Variants in GALNTL6 observed in about 807,000 individuals in gnomAD.
GALNTL6 encodes the protein polypeptide N-acetylgalactosaminyltransferase like 6.
In GALNTL6, 46 loss-of-function variants were observed where a neutral mutation model predicts 73.7. The ratio of observed to expected loss-of-function variants is 0.62; its 90% CI spans 0.49 to 0.80. GALNTL6 has a LOEUF of 0.80. Ranked by LOEUF, GALNTL6 falls within the 30% of genes least tolerant of loss-of-function variation. GALNTL6 has a pLI of 0.00. For missense variants in GALNTL6, 604 were observed against 755.0 expected (o/e 0.80, Z 2.34); for synonymous variants, 259 against 263.7 (o/e 0.98, Z 0.17).
intron 5 of GALNTL6, among the ~76,000 whole-genome samples, chr4:172,532,524 C>T (rs1231045557): frequency 1.3e-5 from 2 of 152,192 alleles, no homozygotes; most frequent in African/African-American, 4.8e-5. Context: ...TTTGTTACTG[C>T]AGCCACAGGA....
chr4:172,681,321 TA>T (rs572807473), intron 5 of GALNTL6, among the ~76,000 whole-genome samples: 331 of 151,994 alleles, frequency 2.2e-3, no homozygotes, highest in African/African-American at 7.0e-3. Context: ...TTTAATAGAT[TA>T]AAAAAAACTC....
chr4:172,691,043 A>G (rs920191126), intron 5 of GALNTL6, among the ~76,000 whole-genome samples: 2 of 152,186 alleles, frequency 1.3e-5, no homozygotes, highest in Non-Finnish European at 2.9e-5. Context: ...TGTGCTGAAT[A>G]AAGGGCTGAA....
chr4:171,834,304 T>C (rs530127677), intron 2 of GALNTL6, among the ~76,000 whole-genome samples: 1 of 152,096 alleles, frequency 6.6e-6, no homozygotes, highest in African/African-American at 2.4e-5. Context: ...TAAGTGAATG[T>C]ATTGGCCAAA....
chr4:172,776,546 C>A (rs1449356177), intron 5 of GALNTL6, among the ~76,000 whole-genome samples: 1 of 152,082 alleles, frequency 6.6e-6, no homozygotes, highest in Non-Finnish European at 1.5e-5. Context: ...CAGTCTGACT[C>A]TCTATACATT....
chr4:171,909,332 A>G (rs1477285864), intron 2 of GALNTL6, among the ~76,000 whole-genome samples: 1 of 152,134 alleles, frequency 6.6e-6, no homozygotes, highest in Non-Finnish European at 1.5e-5. Flanking sequence ...TATTTAAGCC[A>G]TAGATGATCC....
intron 2 of GALNTL6, among the ~76,000 whole-genome samples, chr4:171,958,174 T>A (rs1446327735): frequency 2.0e-5 from 3 of 152,162 alleles, no homozygotes; most frequent in African/African-American, 4.8e-5. Context: ...TTGGTAATAA[T>A]TGAACTTCAC....
chr4:172,693,729 C>T (rs976714128), intron 5 of GALNTL6, among the ~76,000 whole-genome samples: 24 of 152,238 alleles, frequency 1.6e-4, no homozygotes, highest in African/African-American at 5.1e-4. Context: ...TAAGGACAGC[C>T]ACTGAAAAAC....
chr4:172,018,175 G>A (rs973345971), intron 2 of GALNTL6, among the ~76,000 whole-genome samples: 1 of 152,104 alleles, frequency 6.6e-6, no homozygotes, highest in African/African-American at 2.4e-5. Flanking sequence ...TTTCAACAGA[G>A]CACCAGCTGT....
chr4:172,038,668 C>G (rs923659222), intron 2 of GALNTL6, among the ~76,000 whole-genome samples: 3 of 152,096 alleles, frequency 2.0e-5, no homozygotes, highest in African/African-American at 7.2e-5. Context: ...GGTTGGTCAC[C>G]GGTCATTTGT....
chr4:172,397,613 C>A (rs1025242522), intron 5 of GALNTL6, among the ~76,000 whole-genome samples: 1 of 150,004 alleles, frequency 6.7e-6, no homozygotes, highest in Non-Finnish European at 1.5e-5. Context: ...GAGTCTCGCT[C>A]TGTCGCCAGG....
intron 2 of GALNTL6, among the ~76,000 whole-genome samples, chr4:171,815,778 T>A (rs1734509564): frequency 1.3e-5 from 2 of 152,220 alleles, no homozygotes; most frequent in African/African-American, 4.8e-5. Context: ...AAATATTTGC[T>A]CTTATACTTA....
chr4:172,966,888 C>G (rs1173282234), intron 10 of GALNTL6, among the ~76,000 whole-genome samples: 1 of 151,526 alleles, frequency 6.6e-6, no homozygotes. Flanking sequence ...GTGACTGTGC[C>G]GCTAAAAGGT....
intron 2 of GALNTL6, among the ~76,000 whole-genome samples, chr4:172,184,466 G>C (rs1254801681): frequency 6.6e-6 from 1 of 151,974 alleles, no homozygotes; most frequent in Non-Finnish European, 1.5e-5. Flanking sequence ...AAATAAAGAG[G>C]CTTTTATTTT....
At chr4:171,853,012 A>ATTTTTTTTTTTTT (rs765984611) in intron 2 of GALNTL6, among the ~76,000 whole-genome samples, 921 of 86,760 alleles carry the variant, frequency 0.011, no homozygotes, top group Non-Finnish European at 0.014. Flanking sequence ...CGCCCGGCTA[A>ATTTTTTTTTTTTT]TTTTTTTTTT....
At chr4:172,985,124 AC>A in intron 10 of GALNTL6, among the ~76,000 whole-genome samples, 1 of 152,226 alleles carries the variant, frequency 6.6e-6, no homozygotes, top group African/African-American at 2.4e-5. Flanking sequence ...CTTGCCCATG[AC>A]CCAATTCCAG....
intron 5 of GALNTL6, among the ~76,000 whole-genome samples, chr4:172,704,579 T>C (rs1734214033): frequency 6.6e-6 from 1 of 152,008 alleles, no homozygotes; most frequent in Non-Finnish European, 1.5e-5. Context: ...ATTTTGACTT[T>C]TCAAATTTTT....
At chr4:172,398,955 A>G (rs1281284803) in intron 5 of GALNTL6, among the ~76,000 whole-genome samples, 2 of 152,130 alleles carry the variant, frequency 1.3e-5, no homozygotes, top group East Asian at 1.9e-4. Flanking sequence ...CAAATCAAAC[A>G]GCACTGAAAT....
intron 2 of GALNTL6, among the ~76,000 whole-genome samples, chr4:172,131,490 CATATAT>C (rs1462308218): frequency 1.8e-5 from 2 of 110,832 alleles, no homozygotes; most frequent in East Asian, 4.4e-4. Context: ...TATATATATA[CATATAT>C]ATTTTATATA....
At chr4:172,877,742 T>G (rs1253697433) in intron 7 of GALNTL6, among the ~76,000 whole-genome samples, 3 of 151,868 alleles carry the variant, frequency 2.0e-5, no homozygotes, top group African/African-American at 7.2e-5. Flanking sequence ...AAAAAAAATC[T>G]TCAGTAAGAA....
Sources: allele counts gnomAD v4.1 joint callset (sites outside exome capture counted in the v4.1 genomes callset), GRCh38; gene constraint gnomAD v4.1.1; transcripts MANE v1.5; gene names NCBI Gene and HGNC (gene_info 2026-07-23, HGNC 2026-07-21).